Variants in ARMC1 observed in about 807,000 individuals in gnomAD.
The protein encoded by ARMC1 is armadillo repeat-containing protein 1.
ARMC1 carries 16 observed loss-of-function variants against 31.4 expected under a neutral mutation model. The observed-to-expected ratio is 0.51, with a 90% confidence interval of 0.34 to 0.77. The LOEUF is 0.77. Among genes scored for constraint, ARMC1 ranks in the 30% least tolerant of loss-of-function variants. The pLI is 0.01. For synonymous variants in ARMC1, 114 were observed against 118.9 expected, an observed-to-expected ratio of 0.96 and a Z score of 0.27; for missense variants, 259 against 347.5, an observed-to-expected ratio of 0.75 and a Z score of 2.02.
At chr8:65,618,077 G>A (rs1808313007) in intron 3 of ARMC1, among the ~76,000 whole-genome samples, 1 of 152,018 alleles carries the variant, frequency 6.6e-6, no homozygotes, top group South Asian at 2.1e-4. Context: ...CACCATGCCT[G>A]GCTAATTTTT....
At chr8:65,630,055 G>T (rs913754542) in intron 1 of ARMC1, among the ~76,000 whole-genome samples, 8 of 151,746 alleles carry the variant, frequency 5.3e-5, no homozygotes, top group Admixed American at 2.6e-4. Context: ...TGAGGCCAGA[G>T]AACTGCTTGA....
chr8:65,605,677 T>TG, intron 4 of ARMC1, 139 bp from the exon 5 acceptor site: 2 of 648,320 alleles, frequency 3.1e-6, no homozygotes, highest in Non-Finnish European at 5.4e-6. Context: ...GGGCACAGAG[T>TG]GGGGGAGTGC....
intron 4 of ARMC1, among the ~76,000 whole-genome samples, chr8:65,610,995 G>A (rs1254878029): frequency 1.3e-5 from 2 of 151,820 alleles, no homozygotes; most frequent in East Asian, 3.9e-4. Flanking sequence ...GTGCAGTGGT[G>A]TGATTTCCAC....
intron 2 of ARMC1, among the ~76,000 whole-genome samples, chr8:65,623,324 A>AAAAAAAAAG (rs1554541796): frequency 6.9e-6 from 1 of 144,440 alleles, no homozygotes; most frequent in Non-Finnish European, 1.5e-5. Flanking sequence ...AAAAAAAAAA[A>AAAAAAAAAG]TGCTGGGCGC....
At chr8:65,619,618 A>G (rs1320298105) in intron 3 of ARMC1, among the ~76,000 whole-genome samples, 1 of 152,056 alleles carries the variant, frequency 6.6e-6, no homozygotes, top group East Asian at 1.9e-4. Context: ...AGGCCGAGAT[A>G]GGAGGATCAC....
At chr8:65,609,920 C>T (rs1317514216) in intron 4 of ARMC1, among the ~76,000 whole-genome samples, 2 of 148,200 alleles carry the variant, frequency 1.3e-5, no homozygotes, top group Non-Finnish European at 3.0e-5. Context: ...ATATAACCTA[C>T]CTGGCATTGC....
chr8:65,620,827 A>T (rs1478905293), intron 3 of ARMC1, among the ~76,000 whole-genome samples: 1 of 136,296 alleles, frequency 7.3e-6, no homozygotes, highest in Non-Finnish European at 1.7e-5. Context: ...TCTGGGCAGG[A>T]TGTGATGGCT....
chr8:65,632,836 AT>A (rs1172986544), intron 1 of ARMC1: 5 of 149,534 alleles, frequency 3.3e-5, no homozygotes, highest in African/African-American at 4.9e-5. Context: ...AAAAAAAAAA[AT>A]AAAAAATAAA....
intron 3 of ARMC1, among the ~76,000 whole-genome samples, chr8:65,619,413 A>G (rs538652937): frequency 1.6e-4 from 24 of 151,960 alleles, no homozygotes; most frequent in Middle Eastern, 6.8e-3. Flanking sequence ...TGTCACACAC[A>G]TGTAGTCCCA....
chr8:65,619,518 G>A (rs1808346863), intron 3 of ARMC1, among the ~76,000 whole-genome samples: 2 of 151,972 alleles, frequency 1.3e-5, no homozygotes, highest in African/African-American at 2.4e-5. Flanking sequence ...AAGCCTGGGT[G>A]AGAGTGAGAC....
At chr8:65,622,229 T>C (rs1337737525) in intron 3 of ARMC1, 34 bp downstream of exon 3, 21 of 1,512,698 alleles carry the variant, frequency 1.4e-5, no homozygotes, top group Non-Finnish European at 1.7e-5. Flanking sequence ...TAAGTAAGTA[T>C]ATAAATAAAT....
At chr8:65,606,268 G>A (rs1015317906) in intron 4 of ARMC1, among the ~76,000 whole-genome samples, 2 of 151,914 alleles carry the variant, frequency 1.3e-5, no homozygotes, top group Non-Finnish European at 2.9e-5. Context: ...GGCTGAGGCA[G>A]GAGAGTCACT....
intron 4 of ARMC1, among the ~76,000 whole-genome samples, chr8:65,611,086 A>G (rs1054175529): frequency 2.0e-5 from 3 of 151,908 alleles, no homozygotes; most frequent in Admixed American, 6.6e-5. Context: ...GGCCTACACT[A>G]TCACACCTGG....
At chr8:65,632,013 T>C (rs887284013) in intron 1 of ARMC1, among the ~76,000 whole-genome samples, 3 of 152,202 alleles carry the variant, frequency 2.0e-5, no homozygotes, top group Non-Finnish European at 2.9e-5. Flanking sequence ...TTATTTTATT[T>C]TTAAGATAGG....
Position 65,634,137 on chromosome 8 carries a change from C to G in ARMC1, c.-175G>C, listed in dbSNP as rs572173703. 1.3e-5 allele frequency: 2 copies of G among 152,368 alleles called. No homozygotes were observed. Among genetic ancestry groups the G allele is most frequent in the African/African-American group, 4.8e-5 (2 of 41,472 alleles). 9.4% of individuals were successfully genotyped at this position (152,368 alleles called of 1,614,324 possible). On this transcript the variant is annotated 5_prime_UTR_variant, in exon 1 of 7. Coordinates refer to ENST00000276569, the MANE Select transcript of ARMC1 (RefSeq NM_018120.6). ...GCGATCGCAAGCAACCGGACTAACT[C>G]AGGGAGCCAAAGAGCGAAGGCGCTG... is the stretch of plus-strand genomic sequence containing the variant.
chr8:65,623,613 CA>C (rs1215723760), intron 2 of ARMC1, among the ~76,000 whole-genome samples: 1 of 151,384 alleles, frequency 6.6e-6, no homozygotes, highest in African/African-American at 2.4e-5. Context: ...ATCTCAAAAA[CA>C]AAACAACCAA....
rs558537850 is a variant in ARMC1 at position 65,606,133 on chromosome 8, C to T, written c.466-595G>A. 6.6e-5 allele frequency among the ~76,000 whole-genome samples: 10 copies of T among 152,152 alleles called. No individual in the cohort carries two copies. In the East Asian group the frequency reaches 1.2e-3, roughly 18 times the overall value. The stretch of plus-strand genomic sequence containing the variant: ...ATCCCAGCACTTTGGGAGGCTGAGG[C>T]GGGTAGATCATGAAGTCAGGAGTTC... On this transcript the variant is annotated intron_variant, in intron 4 of 6. Transcript: ENST00000276569.
At position 65,603,423 on chromosome 8, in the gene ARMC1, C is replaced by T. The variant is rs542543575; in HGVS notation, c.*971G>A. 2.1e-4 allele frequency: 32 copies of T among 152,262 alleles called. No individual in the cohort carries two copies. The highest frequency in any genetic ancestry group is 5.9e-4 in the Admixed American group (9 of 15,300). 9.4% of individuals were successfully genotyped at this position (152,262 alleles called of 1,614,324 possible). On this transcript the variant is annotated 3_prime_UTR_variant, in exon 7 of 7. Coordinates refer to ENST00000276569, the MANE Select transcript of ARMC1 (RefSeq NM_018120.6). ...AAACACCTACTGAATAGAACTCTGTCGAGCAATTCATGTTTTAAAGTTGGA... is the reference window on the plus strand; with the variant it reads ...AAACACCTACTGAATAGAACTCTGTTGAGCAATTCATGTTTTAAAGTTGGA...
chr8:65,632,008 T>G (rs1808655257), intron 1 of ARMC1, among the ~76,000 whole-genome samples: 1 of 152,246 alleles, frequency 6.6e-6, no homozygotes, highest in Non-Finnish European at 1.5e-5. Flanking sequence ...AATTTTTATT[T>G]TATTTTTAAG....
Sources: allele counts gnomAD v4.1 joint callset (sites outside exome capture counted in the v4.1 genomes callset), GRCh38; gene constraint gnomAD v4.1.1; transcripts MANE v1.5; gene names NCBI Gene and HGNC (gene_info 2026-07-23, HGNC 2026-07-21).